The following POLH variants were observed in gnomAD, a reference collection of about 807,000 sequenced individuals.
POLH encodes DNA polymerase eta transcript.
In POLH, 53 loss-of-function variants were observed where a neutral mutation model predicts 73.6. That is an observed-to-expected ratio of 0.72 (90% CI 0.58 to 0.91). POLH has a LOEUF of 0.91. POLH is among the 40% of genes least tolerant of loss of function. POLH has a pLI of 0.00. For synonymous variants in POLH, 292 were observed against 308.5 expected, an observed-to-expected ratio of 0.95 and a Z score of 0.56; for missense variants, 768 against 865.4, an observed-to-expected ratio of 0.89 and a Z score of 1.41.
intron 1 of POLH, among the ~76,000 whole-genome samples, chr6:43,581,795 C>G (rs573996150): frequency 4.6e-5 from 7 of 150,624 alleles, no homozygotes; most frequent in Admixed American, 1.3e-4. Context: ...GCAGCGCAGC[C>G]GCGCCAACCA....
chr6:43,585,660 TGGGGG>T (rs1764724243), intron 3 of POLH, among the ~76,000 whole-genome samples: 1 of 133,072 alleles, frequency 7.5e-6, no homozygotes, highest in South Asian at 2.4e-4. Context: ...TTTTTGTGGG[TGGGGG>T]ACGGAGTTTC....
At chr6:43,593,950 C>A (rs988259978) in intron 4 of POLH, among the ~76,000 whole-genome samples, 4 of 149,158 alleles carry the variant, frequency 2.7e-5, no homozygotes, top group Non-Finnish European at 4.5e-5. Context: ...AACACCAGAA[C>A]TACCTGAAGT....
chr6:43,587,659 G>A (rs1325340433), intron 4 of POLH, among the ~76,000 whole-genome samples, 170 bp downstream of exon 4: 2 of 152,194 alleles, frequency 1.3e-5, no homozygotes, highest in Non-Finnish European at 2.9e-5. Flanking sequence ...CCAGGTATAT[G>A]GCTGTTGAGA....
At position 43,604,500 on chromosome 6, in the gene POLH, A is replaced by G; in HGVS notation, c.885-115A>G. 2.5e-6 allele frequency: 3 copies of G among 1,195,834 alleles called. No homozygotes were observed. The South Asian group carries it at 3.9e-5, about 16-fold the overall frequency. 74.1% of individuals were successfully genotyped at this position (1,195,834 alleles called of 1,614,324 possible). On this transcript the variant is annotated intron_variant, in intron 7 of 10. Transcript: ENST00000372236. ...GGTCCGGTACACTAAATTTTGGACA[A>G]GGTTTTCCTTTTTCATGAAAAAGAT...
Position 43,598,982 on chromosome 6 carries a change from AT to A in POLH, c.660+1141del, listed in dbSNP as rs938691033. Among the ~76,000 whole-genome samples, 892 of 108,126 alleles carry A rather than the reference AT, an allele frequency of 8.2e-3. 2 individuals are homozygous for A. The highest frequency in any genetic ancestry group is 0.025 in the African/African-American group (686 of 27,222). 70.9% of individuals were successfully genotyped at this position (108,126 alleles called of 152,430 possible). ...TATTTCTTCTATTTTCACTTGCTGA[AT>A]TTTTTTTTTTTTTTTTTTTTTTTGA... On this transcript the variant is annotated intron_variant, in intron 5 of 10. Coordinates refer to ENST00000372236, the MANE Select transcript of POLH (RefSeq NM_006502.3).
chr6:43,613,378 G>T (rs1000134367), intron 10 of POLH, among the ~76,000 whole-genome samples: 3 of 152,152 alleles, frequency 2.0e-5, no homozygotes, highest in African/African-American at 7.2e-5. Context: ...CTGTCGGGAG[G>T]TGAGTGGTTG....
At chr6:43,576,625 G>T (rs1355052321) in intron 1 of POLH, among the ~76,000 whole-genome samples, 185 bp downstream of exon 1, 1 of 152,164 alleles carries the variant, frequency 6.6e-6, no homozygotes, top group South Asian at 2.1e-4. Flanking sequence ...GTTTTTCCCT[G>T]TAGTTGTTAA....
intron 5 of POLH, among the ~76,000 whole-genome samples, chr6:43,599,279 G>A (rs1473282890): frequency 2.0e-5 from 3 of 152,068 alleles, no homozygotes; most frequent in African/African-American, 4.8e-5. Context: ...ATGAGCCACC[G>A]CGCCCGGCCA....
intron 1 of POLH, among the ~76,000 whole-genome samples, chr6:43,582,075 C>G (rs888192272): frequency 1.3e-5 from 2 of 152,158 alleles, no homozygotes; most frequent in African/African-American, 4.8e-5. Context: ...GGATGCTTAA[C>G]TGGTGATTAT....
chr6:43,593,878 C>CAAAAAAAAA (rs768129925), intron 4 of POLH, among the ~76,000 whole-genome samples: 5 of 85,086 alleles, frequency 5.9e-5, no homozygotes, highest in South Asian at 3.8e-4. Flanking sequence ...GACTCCGTCT[C>CAAAAAAAAA]AAAAAAAAAA....
intron 1 of POLH, 123 bp from the exon 2 acceptor site, chr6:43,582,193 T>C (rs1389710916): frequency 6.6e-6 from 6 of 902,554 alleles, no homozygotes; most frequent in Non-Finnish European, 1.1e-5. Flanking sequence ...GCCTATTTCA[T>C]TCTTGTTAGT....
Position 43,613,948 on chromosome 6 carries a change from T to A in POLH, c.1533T>A (p.Asn511Lys). The A allele has an allele frequency of 6.2e-7, 1 of 1,614,024 alleles. No homozygotes were observed. Among genetic ancestry groups the A allele is most frequent in the Non-Finnish European group, 8.5e-7 (1 of 1,180,044 alleles). Residue 511 changes from asparagine to lysine, a missense_variant, in exon 11 of 11, where the codon AAT (asparagine) becomes AAA (lysine). Coordinates refer to ENST00000372236, the MANE Select transcript of POLH (RefSeq NM_006502.3). ...CTCCCACTCAGGCTCCCATGAGCAA[T>A]TCACCATCCAAGCCCTCATTACCTT... Reference protein sequence around the residue: ...LTAPTQAPMSNSPSKPSLPFQ... With the variant: ...LTAPTQAPMSKSPSKPSLPFQ...
chr6:43,603,849 G>A (rs1582307906), intron 6 of POLH, 43 bp from the exon 7 acceptor site: 2 of 1,607,324 alleles, frequency 1.2e-6, no homozygotes, highest in Admixed American at 3.3e-5. Context: ...TAATTAGATA[G>A]TTATGATGTG....
chr6:43,612,551 T>C (rs1768006332), intron 10 of POLH, among the ~76,000 whole-genome samples: 1 of 152,052 alleles, frequency 6.6e-6, no homozygotes, highest in African/African-American at 2.4e-5. Flanking sequence ...TTCTCCATGT[T>C]GGCCAGGCTG....
At chr6:43,606,724 C>T (rs556820750) in intron 9 of POLH, among the ~76,000 whole-genome samples, 167 of 152,276 alleles carry the variant, frequency 1.1e-3, no homozygotes, top group African/African-American at 3.4e-3. Context: ...CCACCGCACC[C>T]GGCAGTTTCT....
At position 43,620,155 on chromosome 6, in the gene POLH, G is replaced by A; in HGVS notation, c.*5598G>A. 1 of 445,378 alleles carries A rather than the reference G, an allele frequency of 2.2e-6. No individual in the cohort carries two copies. Among genetic ancestry groups the A allele is most frequent in the South Asian group, 1.7e-5 (1 of 59,352 alleles). 27.6% of individuals were successfully genotyped at this position (445,378 alleles called of 1,614,324 possible). On this transcript the variant is annotated 3_prime_UTR_variant, in exon 11 of 11. Coordinates refer to ENST00000372236, the MANE Select transcript of POLH (RefSeq NM_006502.3). ...AAATTCTACTCTTCTTTAAGTAGCT[G>A]GCACTGTATCTCTGCCAGGGCACAG...
At chr6:43,608,751 A>G (rs1178218217) in intron 9 of POLH, among the ~76,000 whole-genome samples, 1 of 152,190 alleles carries the variant, frequency 6.6e-6, no homozygotes, top group African/African-American at 2.4e-5. Context: ...TTAAGCTTCA[A>G]AGGACTTTAT....
intron 8 of POLH, 148 bp downstream of exon 8, chr6:43,604,886 A>G (rs1204598187): frequency 2.4e-6 from 2 of 830,458 alleles, no homozygotes; most frequent in African/African-American, 3.4e-5. Context: ...AAAATTGACT[A>G]GTTTATGATT....
intron 3 of POLH, among the ~76,000 whole-genome samples, chr6:43,586,205 G>A (rs1764803818): frequency 6.6e-6 from 1 of 152,188 alleles, no homozygotes; most frequent in East Asian, 1.9e-4. Context: ...TTGGCCGGAT[G>A]TGGTGGCTCA....
Sources: allele counts gnomAD v4.1 joint callset (sites outside exome capture counted in the v4.1 genomes callset), GRCh38; gene constraint gnomAD v4.1.1; transcripts MANE v1.5; gene names NCBI Gene and HGNC (gene_info 2026-07-23, HGNC 2026-07-21).